The following ANK3 variants were observed in gnomAD, a reference collection of about 807,000 sequenced individuals.
ANK3 encodes ankyrin 3, also known as ankyrin-3.
In ANK3, 57 loss-of-function variants were observed where a neutral mutation model predicts 370.9. The observed-to-expected ratio is 0.15, with a 90% CI of 0.12 to 0.19. The LOEUF (loss-of-function observed/expected upper bound fraction) is 0.19. ANK3 is among the 10% of genes least tolerant of loss of function. The pLI, the probability that ANK3 is intolerant of heterozygous loss-of-function variation, is 1.00. For missense variants in ANK3, 4,439 were observed against 5,302.1 expected (o/e 0.84, Z 5.06); for synonymous variants, 1,929 against 1,946.3 (o/e 0.99, Z 0.23).
At chr10:60,341,069 G>A (rs2054178519) in intron 1 of ANK3, among the ~76,000 whole-genome samples, 2 of 152,134 alleles carry the variant, frequency 1.3e-5, no homozygotes, top group Admixed American at 6.6e-5. Flanking sequence ...TCTAGAGTCT[G>A]CTCAAAGCCA....
chr10:60,696,571 T>A (rs548212982), intron 1 of ANK3, among the ~76,000 whole-genome samples: 52,170 of 141,246 alleles, frequency 0.37, 10,368 homozygotes, highest in African/African-American at 0.45. Context: ...AGTGGGCTTC[T>A]TCCCTGGGAT....
chr10:60,713,623 C>A (rs2079740843), intron 1 of ANK3, among the ~76,000 whole-genome samples: 1 of 152,120 alleles, frequency 6.6e-6, no homozygotes, highest in African/African-American at 2.4e-5. Flanking sequence ...GGGTGCAGTG[C>A]TCATGCCTGT....
chr10:60,669,443 C>T (rs1463540552), intron 1 of ANK3, among the ~76,000 whole-genome samples: 3 of 152,170 alleles, frequency 2.0e-5, no homozygotes, highest in African/African-American at 4.8e-5. Context: ...CTTTACTCAG[C>T]GGTTGGGTAC....
At chr10:60,318,560 G>C (rs975088801) in intron 1 of ANK3, among the ~76,000 whole-genome samples, 2 of 152,074 alleles carry the variant, frequency 1.3e-5, no homozygotes, top group African/African-American at 4.8e-5. Context: ...TACCAGACCA[G>C]GTAGCCTCAA....
At chr10:60,627,398 T>C (rs1003365216) in intron 1 of ANK3, among the ~76,000 whole-genome samples, 19 of 146,806 alleles carry the variant, frequency 1.3e-4, no homozygotes, top group Non-Finnish European at 2.1e-4. Context: ...TTGTCCGTCA[T>C]TAAAAAAAAG....
intron 2 of ANK3, among the ~76,000 whole-genome samples, chr10:60,430,073 T>C (rs2063980351): frequency 6.6e-6 from 1 of 152,240 alleles, no homozygotes; most frequent in African/African-American, 2.4e-5. Context: ...AAATTTTACT[T>C]GAGCTTTTTT....
chr10:60,674,304 T>G (rs922651689), intron 1 of ANK3, among the ~76,000 whole-genome samples: 3 of 152,174 alleles, frequency 2.0e-5, no homozygotes, highest in African/African-American at 7.2e-5. Flanking sequence ...GAGGTTTATT[T>G]GGCTCATGGT....
intron 4 of ANK3, among the ~76,000 whole-genome samples, chr10:60,274,158 G>A (rs1459792511): frequency 6.6e-6 from 1 of 152,110 alleles, no homozygotes; most frequent in Non-Finnish European, 1.5e-5. Flanking sequence ...TATTTTTGTG[G>A]AGATAGGGTC....
At chr10:60,086,533 G>T in intron 30 of ANK3, 144 bp downstream of exon 30, 1 of 671,598 alleles carries the variant, frequency 1.5e-6, no homozygotes, top group Non-Finnish European at 2.3e-6. Context: ...ATGAGGTGAT[G>T]GACAAGTAAA....
chr10:60,633,616 G>C (rs1212602628), intron 1 of ANK3, among the ~76,000 whole-genome samples: 1 of 152,016 alleles, frequency 6.6e-6, no homozygotes, highest in Admixed American at 6.6e-5. Flanking sequence ...ATTTTAGCTG[G>C]CCAATCCAAT....
intron 17 of ANK3, among the ~76,000 whole-genome samples, chr10:60,184,547 A>G (rs2096276935): frequency 6.6e-6 from 1 of 152,222 alleles, no homozygotes; most frequent in African/African-American, 2.4e-5. Flanking sequence ...TCCTTTAGGA[A>G]TATCTCTGCT....
At chr10:60,658,143 T>C (rs1412551206) in intron 1 of ANK3, among the ~76,000 whole-genome samples, 12 of 152,020 alleles carry the variant, frequency 7.9e-5, no homozygotes, top group Admixed American at 6.6e-4. Flanking sequence ...TTTTCTTATA[T>C]AGTCTGACAA....
chr10:60,279,602 G>A lies in ANK3; in HGVS notation c.152C>T (p.Ala51Val). ...ANASYLRAARAGHLEKALDYI... is the reference protein window; with the variant it reads ...ANASYLRAARVGHLEKALDYI... ...GTCGAGGGCCTTTTCAAGGTGTCCA[G>A]CTCGAGCTGCTCTTAAGTAACTTGC... The change falls in exon 2 of 44, where the codon GCT becomes GTT. Residue 51 changes from alanine (A) to valine (V), a missense_variant. By Grantham distance (64) the Ala-to-Val change is moderately conservative (BLOSUM62 0). Coordinates refer to ENST00000280772, the MANE Select transcript of ANK3 (RefSeq NM_020987.5). The A allele has an allele frequency of 6.2e-7, 1 of 1,612,062 alleles. No individual in the cohort carries two copies. The highest frequency in any genetic ancestry group is 8.5e-7 in the Non-Finnish European group (1 of 1,179,522).
intron 2 of ANK3, among the ~76,000 whole-genome samples, chr10:60,549,741 T>C (rs2077048215): frequency 1.3e-5 from 2 of 152,168 alleles, no homozygotes; most frequent in South Asian, 2.1e-4. Flanking sequence ...AATATCATAA[T>C]TGACATTTGG....
chr10:60,494,663 C>A (rs1360120632), intron 2 of ANK3, among the ~76,000 whole-genome samples: 2 of 151,946 alleles, frequency 1.3e-5, no homozygotes, highest in Non-Finnish European at 2.9e-5. Flanking sequence ...AATTGAGTGA[C>A]CAGTTTTATT....
At chr10:60,235,639 G>A (rs887223529) in intron 7 of ANK3, among the ~76,000 whole-genome samples, 17 of 140,598 alleles carry the variant, frequency 1.2e-4, no homozygotes, top group African/African-American at 4.5e-4. Context: ...GAGCTCCAAC[G>A]ATCCTCTCGC....
At chr10:60,412,539 G>GC (rs2132932739) in intron 2 of ANK3, among the ~76,000 whole-genome samples, 1 of 152,224 alleles carries the variant, frequency 6.6e-6, no homozygotes, top group South Asian at 2.1e-4. Context: ...AATCAAGTGA[G>GC]CCAATTTCTG....
At chr10:60,423,656 G>T (rs1157656430) in intron 2 of ANK3, among the ~76,000 whole-genome samples, 1 of 151,866 alleles carries the variant, frequency 6.6e-6, no homozygotes, top group Non-Finnish European at 1.5e-5. Context: ...TTTACCAATA[G>T]CTTCATGTTA....
chr10:60,390,796 GA>G (rs71015790), upstream of ANK3, among the ~76,000 whole-genome samples: 108,243 of 145,212 alleles, frequency 0.75, 40,506 homozygotes, highest in South Asian at 0.91. Context: ...AAATGAGTCA[GA>G]AAAAAAAAAA....
Sources: gnomAD v4.1 joint callset for allele counts (sites outside exome capture counted in the v4.1 genomes callset) on GRCh38, gnomAD v4.1.1 for gene constraint, MANE v1.5 for transcripts, NCBI Gene and HGNC (gene_info 2026-07-23, HGNC 2026-07-21) for gene names.